Variants in HSPA12A observed in about 807,000 individuals in gnomAD.
The protein encoded by HSPA12A is heat shock 70 kDa protein 12A.
HSPA12A carries 28 observed loss-of-function variants against 69.2 expected under a neutral mutation model. The observed-to-expected ratio is 0.40, with a 90% confidence interval of 0.30 to 0.55. The LOEUF (loss-of-function observed/expected upper bound fraction) is 0.55. Ranked by LOEUF, HSPA12A falls within the 20% of genes least tolerant of loss-of-function variation. The probability of loss-of-function intolerance (pLI) is 0.38; values close to 1 mark genes in which losing one functional copy is unlikely to be tolerated. For missense variants in HSPA12A, 686 were observed against 900.7 expected (o/e 0.76, Z 3.05); for synonymous variants, 345 against 370.5 (o/e 0.93, Z 0.79).
At chr10:116,757,869 A>G (rs1243554581) in intron 2 of HSPA12A, among the ~76,000 whole-genome samples, 2 of 152,204 alleles carry the variant, frequency 1.3e-5, no homozygotes, top group Non-Finnish European at 2.9e-5. Flanking sequence ...AGATAAATAC[A>G]AATCCCATCT....
chr10:116,747,392 C>G (rs1208756492), upstream of HSPA12A, among the ~76,000 whole-genome samples: 12 of 152,202 alleles, frequency 7.9e-5, no homozygotes, highest in African/African-American at 2.9e-4. Flanking sequence ...AGTCTCGCAG[C>G]CACATTCTCA....
At chr10:116,775,341 C>T (rs1333469348) in intron 2 of HSPA12A, among the ~76,000 whole-genome samples, 1 of 152,222 alleles carries the variant, frequency 6.6e-6, no homozygotes, top group African/African-American at 2.4e-5. Flanking sequence ...GAACTCCTGC[C>T]TGTCCGGTTG....
At position 116,692,344 on chromosome 10, in the gene HSPA12A, C is replaced by T. The variant is rs1849761780; in HGVS notation, c.663+7G>A. 6.2e-7 allele frequency: 1 copy of T among 1,611,226 alleles called. No homozygotes were observed. Among genetic ancestry groups the T allele is most frequent in the Non-Finnish European group, 8.5e-7 (1 of 1,177,482 alleles). Reference sequence around the variant, plus strand: ...CCGGCTTCCACCCGCCCTGACTCTACCCTCACCTGGTAGGCAGCTTGTCTC... The same window carrying T: ...CCGGCTTCCACCCGCCCTGACTCTATCCTCACCTGGTAGGCAGCTTGTCTC... On this transcript the variant is annotated splice_region_variant and intron_variant, in intron 6 of 11. Coordinates refer to ENST00000369209, the MANE Select transcript of HSPA12A (RefSeq NM_025015.3).
intron 2 of HSPA12A, among the ~76,000 whole-genome samples, chr10:116,769,409 T>G (rs1485076457): frequency 1.3e-5 from 2 of 152,200 alleles, no homozygotes; most frequent in African/African-American, 4.8e-5. Context: ...GGCTCTCCAA[T>G]GTAGACCCCT....
Position 116,710,867 on chromosome 10 carries a change from T to C in HSPA12A, c.41-3582A>G, listed in dbSNP as rs114276963. Among the ~76,000 whole-genome samples, 1,282 of 152,126 alleles carry C rather than the reference T, an allele frequency of 8.4e-3. 21 individuals carry two copies. The highest frequency in any genetic ancestry group is 0.029 in the African/African-American group (1,217 of 41,496). On this transcript the variant is annotated intron_variant, in intron 1 of 11. Transcript: ENST00000369209. The surrounding 1 kb of genome is among the most constrained non-coding windows in gnomAD (Gnocchi z 4.1). ...GCTACTGTTTCTCTACTTCACTACTTAGGATGTCAAAATGATGCTCAAAAA... is the reference window on the plus strand; with the variant it reads ...GCTACTGTTTCTCTACTTCACTACTCAGGATGTCAAAATGATGCTCAAAAA...
chr10:116,837,625 G>T (rs1272129058), intron 1 of HSPA12A, among the ~76,000 whole-genome samples: 1 of 151,464 alleles, frequency 6.6e-6, no homozygotes, highest in Non-Finnish European at 1.5e-5. Context: ...CATATGTGCA[G>T]CATTTTTTTT....
intron 2 of HSPA12A, among the ~76,000 whole-genome samples, chr10:116,805,556 TG>T (rs1459477664): frequency 6.6e-6 from 1 of 151,888 alleles, no homozygotes; most frequent in East Asian, 1.9e-4. Flanking sequence ...AAGGAGAAAA[TG>T]AAAAAGCTGT....
At chr10:116,836,996 C>A (rs1489657501) in intron 1 of HSPA12A, among the ~76,000 whole-genome samples, 1 of 151,954 alleles carries the variant, frequency 6.6e-6, no homozygotes, top group Admixed American at 6.6e-5. Flanking sequence ...GTAGCAGGGG[C>A]CTTGGTTTGG....
chr10:116,701,168 C>CA (rs1215202834), intron 3 of HSPA12A, 39 bp from the exon 4 acceptor site: 1 of 1,594,416 alleles, frequency 6.3e-7, no homozygotes, highest in Non-Finnish European at 8.6e-7. Context: ...GGCCTTCTTT[C>CA]AAAATCCCAA....
At chr10:116,724,957 G>A (rs756309707) in intron 1 of HSPA12A, among the ~76,000 whole-genome samples, 29 of 152,164 alleles carry the variant, frequency 1.9e-4, no homozygotes, top group Admixed American at 4.6e-4. Context: ...CAGCAACACC[G>A]TGGTGCAGGC....
At chr10:116,760,700 C>T (rs1331938252) in intron 2 of HSPA12A, among the ~76,000 whole-genome samples, 2 of 152,176 alleles carry the variant, frequency 1.3e-5, no homozygotes, top group East Asian at 3.8e-4. Context: ...AATAGCATTA[C>T]CCAGGGTTTT....
At chr10:116,707,693 G>A (rs1478169759) in intron 1 of HSPA12A, among the ~76,000 whole-genome samples, 2 of 152,188 alleles carry the variant, frequency 1.3e-5, no homozygotes, top group African/African-American at 4.8e-5. Flanking sequence ...CATTTTCTTG[G>A]AAGAGCATCT....
intron 1 of HSPA12A, among the ~76,000 whole-genome samples, chr10:116,836,324 G>C (rs559052018): frequency 1.4e-4 from 22 of 152,276 alleles, no homozygotes; most frequent in Admixed American, 1.4e-3. Context: ...TACAGGGGAG[G>C]GGGTGGCAGT....
intron 2 of HSPA12A, among the ~76,000 whole-genome samples, chr10:116,798,834 TC>T (rs749983744): frequency 6.6e-6 from 1 of 152,164 alleles, no homozygotes; most frequent in African/African-American, 2.4e-5. Context: ...CCATACGGTT[TC>T]TCCAATTATT....
At chr10:116,702,304 C>A (rs1044716322) in intron 3 of HSPA12A, among the ~76,000 whole-genome samples, 5 of 152,258 alleles carry the variant, frequency 3.3e-5, no homozygotes, top group Non-Finnish European at 5.9e-5. Flanking sequence ...GGCCATGTGA[C>A]CCCATGCACA....
rs782004078 is a variant in HSPA12A, at chr10:116,675,234, G to A, written c.1575C>T (p.Pro525=). ...LKGAVLFGLD[P]AVIKVRRSPL... ...GCGACCGGCGCACCTTGATGACCGC[G>A]GGGTCCAGGCCAAAGAGGACGGCAC... is the stretch of plus-strand genomic sequence containing the variant. Residue 525 remains proline, a synonymous_variant, in exon 12 of 12, where the codon CCC becomes CCT. Coordinates refer to ENST00000369209, the MANE Select transcript of HSPA12A (RefSeq NM_025015.3). This position sits in a 1 kb window ranked among gnomAD's most constrained non-coding sequence, Gnocchi z 5.2. 1.2e-5 allele frequency: 20 copies of A among 1,613,560 alleles called. No homozygotes were observed. The South Asian group carries it at 1.4e-4, about 12-fold the overall frequency.
intron 2 of HSPA12A, among the ~76,000 whole-genome samples, chr10:116,771,000 T>C (rs1374556861): frequency 8.6e-6 from 1 of 116,350 alleles, no homozygotes; most frequent in Non-Finnish European, 1.8e-5. Flanking sequence ...AGTGGGGCTG[T>C]GGGCTGTGTG....
rs183955514 is a variant in HSPA12A, at chr10:116,844,562, G to A, written c.3+5004C>T. Among the ~76,000 whole-genome samples, 423 of 151,774 alleles carry A rather than the reference G, an allele frequency of 2.8e-3. 1 individual carries two copies. The highest frequency in any genetic ancestry group is 9.7e-3 in the African/African-American group (398 of 41,104). On this transcript the variant is annotated intron_variant, in intron 1 of 12. Coordinates refer to the HSPA12A transcript ENST00000635765. ...AGATGAGGAATCTTATTTCCTATGC[G>A]TGATGACTGAGTGAAAATAGTTAAC... is the stretch of plus-strand genomic sequence containing the variant.
chr10:116,800,616 C>T (rs1248143939), intron 2 of HSPA12A, among the ~76,000 whole-genome samples: 6 of 152,134 alleles, frequency 3.9e-5, no homozygotes, highest in East Asian at 3.9e-4. Flanking sequence ...GTAGATACCA[C>T]GAAACTCAAA....
Sources: gnomAD v4.1 joint callset for allele counts (sites outside exome capture counted in the v4.1 genomes callset) on GRCh38, gnomAD v4.1.1 for gene constraint, Gnocchi (gnomAD v3.1) non-coding constraint, MANE v1.5 for transcripts, NCBI Gene and HGNC (gene_info 2026-07-23, HGNC 2026-07-21) for gene names.